Variants in THSD7B observed in about 807,000 individuals in gnomAD.
THSD7B encodes thrombospondin type 1 domain containing 7B.
A neutral mutation model predicts 213.6 loss-of-function variants in THSD7B; 138 were observed. That is an observed-to-expected ratio of 0.65 (90% CI 0.56 to 0.74). The LOEUF (loss-of-function observed/expected upper bound fraction) is 0.74, where lower values mean the gene tolerates loss of function less well. THSD7B is among the 30% of genes least tolerant of loss of function. THSD7B has a pLI of 0.00. For missense variants in THSD7B, 1,931 were observed against 1,991.5 expected (o/e 0.97, Z 0.58); for synonymous variants, 742 against 687.0 (o/e 1.08, Z -1.25).
At chr2:137,372,635 C>A (rs1490608784) in intron 12 of THSD7B, among the ~76,000 whole-genome samples, 2 of 151,896 alleles carry the variant, frequency 1.3e-5, no homozygotes, top group African/African-American at 4.8e-5. Context: ...GAATTGAAGT[C>A]AATATAAAGA....
In THSD7B at chr2:137,014,054, C is replaced by T. The variant is rs978291195; in HGVS notation, c.140-42366C>T. On this transcript the variant is annotated intron_variant, in intron 2 of 27. Transcript: ENST00000409968. Reference sequence around the variant, plus strand: ...CCCTTGGGAGAGCTGACTGCACGCCCTGCCATCAGGTGGTGTGTCATCATG... The same window carrying T: ...CCCTTGGGAGAGCTGACTGCACGCCTTGCCATCAGGTGGTGTGTCATCATG... Among the ~76,000 whole-genome samples, 44 of 152,288 alleles carry T rather than the reference C, an allele frequency of 2.9e-4. 1 individual carries two copies. Among genetic ancestry groups the T allele is most frequent in the Admixed American group, 9.8e-4 (15 of 15,310 alleles).
intron 10 of THSD7B, among the ~76,000 whole-genome samples, chr2:137,261,902 G>A (rs1350273257): frequency 9.9e-5 from 14 of 141,538 alleles, no homozygotes; most frequent in African/African-American, 3.8e-4. Context: ...AAAGGACATT[G>A]AGGAAAGTTT....
chr2:137,363,367 G>A (rs1685319012), intron 12 of THSD7B, among the ~76,000 whole-genome samples: 1 of 151,992 alleles, frequency 6.6e-6, no homozygotes, highest in Admixed American at 6.6e-5. Flanking sequence ...GCTAGCAGAA[G>A]GCAAGAAATA....
At chr2:137,155,041 T>G (rs1021603704) in intron 5 of THSD7B, among the ~76,000 whole-genome samples, 2 of 152,240 alleles carry the variant, frequency 1.3e-5, no homozygotes, top group Non-Finnish European at 2.9e-5. Flanking sequence ...AATTCCAGTT[T>G]AGACACCAGC....
chr2:137,651,497 A>AT (rs1316625502), intron 21 of THSD7B, among the ~76,000 whole-genome samples: 2 of 151,098 alleles, frequency 1.3e-5, no homozygotes, highest in Non-Finnish European at 3.0e-5. Context: ...AGTTTTGTTT[A>AT]TTTTTTTAAA....
chr2:136,928,804 A>G (rs1466097068), intron 2 of THSD7B, among the ~76,000 whole-genome samples: 1 of 152,186 alleles, frequency 6.6e-6, no homozygotes, highest in Non-Finnish European at 1.5e-5. Context: ...ATATATCTGC[A>G]GAGTGGGTTG....
intron 3 of THSD7B, among the ~76,000 whole-genome samples, chr2:137,090,136 A>T (rs1259197855): frequency 6.6e-6 from 1 of 152,104 alleles, no homozygotes; most frequent in African/African-American, 2.4e-5. Context: ...TGGCAATACT[A>T]CATGTGATCT....
At chr2:137,243,017 A>C (rs1032300147) in intron 10 of THSD7B, among the ~76,000 whole-genome samples, 1 of 152,228 alleles carries the variant, frequency 6.6e-6, no homozygotes, top group African/African-American at 2.4e-5. Flanking sequence ...GAGCAGATAC[A>C]TTACAAAGTG....
chr2:137,617,996 A>G (rs771883253), intron 18 of THSD7B, among the ~76,000 whole-genome samples: 12 of 152,200 alleles, frequency 7.9e-5, no homozygotes, highest in Non-Finnish European at 1.6e-4. Context: ...GCAGGGGTAC[A>G]CAAACATCTG....
At chr2:136,805,441 C>A (rs542668530) in intron 1 of THSD7B, among the ~76,000 whole-genome samples, 2 of 152,334 alleles carry the variant, frequency 1.3e-5, no homozygotes, top group East Asian at 3.9e-4. Context: ...TAAATGGATA[C>A]AGCCTAAAAT....
Position 137,242,488 on chromosome 2 carries a change from C to A in THSD7B, c.2182C>A (p.Arg728Ser). ...AGATTCTACTCGACCTGAAACTGTG[C>A]GCCCCTGTTTTCTCCCATGCAAAAA... ...CPDSTRPETV[R>S]PCFLPCKKDC... is the part of the protein sequence containing the mutation. Residue 728 changes from arginine to serine, a missense_variant, in exon 10 of 28, where the codon CGC (arginine) becomes AGC (serine). By Grantham distance (110) the Arg-to-Ser change is moderately radical. Coordinates refer to ENST00000409968, the MANE Select transcript of THSD7B (RefSeq NM_001316349.2). The A allele has an allele frequency of 1.2e-6, 2 of 1,613,782 alleles. No homozygotes were observed. Among genetic ancestry groups the A allele is most frequent in the South Asian group, 2.2e-5 (2 of 91,078 alleles).
intron 3 of THSD7B, among the ~76,000 whole-genome samples, chr2:137,082,526 C>A (rs111313119): frequency 6.6e-6 from 1 of 152,010 alleles, no homozygotes; most frequent in Non-Finnish European, 1.5e-5. Flanking sequence ...AACAAGAGCT[C>A]TCAAATATTT....
chr2:136,955,127 T>G (rs1458702316), intron 2 of THSD7B, among the ~76,000 whole-genome samples: 1 of 152,224 alleles, frequency 6.6e-6, no homozygotes, highest in Non-Finnish European at 1.5e-5. Flanking sequence ...ACGAGCATCA[T>G]GGTTGACCCT....
intron 17 of THSD7B, among the ~76,000 whole-genome samples, chr2:137,610,619 A>G (rs929294553): frequency 2.6e-5 from 4 of 152,170 alleles, no homozygotes; most frequent in African/African-American, 9.7e-5. Context: ...GTTGACTCAG[A>G]CACTAGCTTT....
chr2:137,044,406 C>T (rs1469297933), intron 2 of THSD7B, among the ~76,000 whole-genome samples: 3 of 152,000 alleles, frequency 2.0e-5, no homozygotes, highest in Admixed American at 1.3e-4. Flanking sequence ...ATTGATGCTG[C>T]GGTTACTATG....
intron 2 of THSD7B, among the ~76,000 whole-genome samples, chr2:136,988,911 A>G (rs181424354): frequency 6.6e-6 from 1 of 152,388 alleles, no homozygotes; most frequent in African/African-American, 2.4e-5. Context: ...ATGAATCAGA[A>G]AAACAAATGT....
At chr2:137,574,067 A>G (rs1366667143) in intron 17 of THSD7B, among the ~76,000 whole-genome samples, 1 of 152,090 alleles carries the variant, frequency 6.6e-6, no homozygotes, top group East Asian at 1.9e-4. Flanking sequence ...CAGCCTGAAG[A>G]AGTTTAATTA....
intron 2 of THSD7B, among the ~76,000 whole-genome samples, chr2:136,962,022 C>T (rs1482421501): frequency 2.6e-5 from 4 of 152,158 alleles, no homozygotes; most frequent in African/African-American, 9.7e-5. Context: ...GGGAGATTAT[C>T]CTACATTTTC....
At chr2:136,888,736 A>T (rs1573690476) in intron 2 of THSD7B, among the ~76,000 whole-genome samples, 1 of 152,098 alleles carries the variant, frequency 6.6e-6, no homozygotes, top group East Asian at 1.9e-4. Flanking sequence ...AAAAACATCC[A>T]TCTTACCTAA....
Sources: gnomAD v4.1 joint callset for allele counts (sites outside exome capture counted in the v4.1 genomes callset) on GRCh38, gnomAD v4.1.1 for gene constraint, MANE v1.5 for transcripts, NCBI Gene and HGNC (gene_info 2026-07-23, HGNC 2026-07-21) for gene names.